The following GRID2 variants were observed in gnomAD, a reference collection of about 807,000 sequenced individuals.
GRID2 encodes glutamate receptor ionotropic, delta-2.
In GRID2, 33 loss-of-function variants were observed where a neutral mutation model predicts 114.8. The observed-to-expected ratio is 0.29, with a 90% CI of 0.22 to 0.38. The LOEUF (loss-of-function observed/expected upper bound fraction) is 0.38, where lower values mean the gene tolerates loss of function less well. GRID2 is among the 10% of genes least tolerant of loss of function. The pLI, the probability that GRID2 is intolerant of heterozygous loss-of-function variation, is 1.00. For synonymous variants in GRID2, 505 were observed against 449.9 expected (o/e 1.12, Z -1.55); for missense variants, 1,184 against 1,257.7 (o/e 0.94, Z 0.89).
intron 14 of GRID2, among the ~76,000 whole-genome samples, chr4:93,686,372 C>G (rs1421291547): frequency 6.6e-6 from 1 of 151,932 alleles, no homozygotes; most frequent in Non-Finnish European, 1.5e-5. Context: ...GCTTCTTTAC[C>G]AGTCTTACTG....
intron 8 of GRID2, among the ~76,000 whole-genome samples, chr4:93,319,444 G>A (rs1473630332): frequency 6.6e-6 from 1 of 151,938 alleles, no homozygotes; most frequent in Non-Finnish European, 1.5e-5. Context: ...GTTTTGGTAG[G>A]GAGAATTCTA....
At chr4:93,225,135 A>G (rs1745343878) in intron 7 of GRID2, among the ~76,000 whole-genome samples, 1 of 152,230 alleles carries the variant, frequency 6.6e-6, no homozygotes, top group South Asian at 2.1e-4. Context: ...AGACTTAATT[A>G]GCACTTTTTC....
At chr4:93,117,691 A>C (rs545039515) in intron 4 of GRID2, among the ~76,000 whole-genome samples, 2 of 152,062 alleles carry the variant, frequency 1.3e-5, no homozygotes, top group Non-Finnish European at 2.9e-5. Context: ...CCCTGTTTAA[A>C]ATATCTCCCA....
At chr4:92,545,763 C>T (rs140263175) in intron 1 of GRID2, among the ~76,000 whole-genome samples, 1 of 151,912 alleles carries the variant, frequency 6.6e-6, no homozygotes, top group East Asian at 1.9e-4. Flanking sequence ...TTGGCTGCGA[C>T]ACTCATTTCA....
chr4:92,313,269 G>A (rs955452277), intron 1 of GRID2, among the ~76,000 whole-genome samples: 5 of 152,082 alleles, frequency 3.3e-5, no homozygotes, highest in African/African-American at 1.2e-4. Flanking sequence ...ATATGTGGGA[G>A]CTAAGCTATG....
At chr4:92,812,104 C>T (rs1179782442) in intron 2 of GRID2, among the ~76,000 whole-genome samples, 5 of 152,018 alleles carry the variant, frequency 3.3e-5, no homozygotes, top group Non-Finnish European at 5.9e-5. Flanking sequence ...TTTATGTGAA[C>T]GTGAATGAAC....
chr4:92,941,834 G>C (rs1429290338), intron 2 of GRID2, among the ~76,000 whole-genome samples: 1 of 152,140 alleles, frequency 6.6e-6, no homozygotes, highest in Non-Finnish European at 1.5e-5. Flanking sequence ...GTACCCAGTA[G>C]TCATTCAGGA....
intron 2 of GRID2, among the ~76,000 whole-genome samples, chr4:92,922,321 C>T (rs141732492): frequency 2.2e-4 from 33 of 152,254 alleles, no homozygotes; most frequent in East Asian, 9.7e-4. Flanking sequence ...CACCCTGCTT[C>T]GGCTCATGTT....
intron 2 of GRID2, among the ~76,000 whole-genome samples, chr4:92,717,935 G>T (rs957378390): frequency 6.6e-6 from 1 of 151,950 alleles, no homozygotes; most frequent in Non-Finnish European, 1.5e-5. Flanking sequence ...TACAATGAAT[G>T]ATTGTTTTAA....
intron 2 of GRID2, among the ~76,000 whole-genome samples, chr4:92,945,600 C>T: frequency 6.6e-6 from 1 of 152,126 alleles, no homozygotes; most frequent in East Asian, 1.9e-4. Flanking sequence ...AACGAAGTAC[C>T]AGTGATGGTC....
At chr4:92,617,954 A>G (rs1284454925) in intron 2 of GRID2, among the ~76,000 whole-genome samples, 3 of 151,546 alleles carry the variant, frequency 2.0e-5, no homozygotes, top group African/African-American at 4.8e-5. Flanking sequence ...ATTTTCTTCC[A>G]TTCTATAGGT....
chr4:92,484,349 G>T (rs1177863259), intron 1 of GRID2, among the ~76,000 whole-genome samples: 2 of 152,016 alleles, frequency 1.3e-5, no homozygotes, highest in Non-Finnish European at 2.9e-5. Context: ...TAAAAAGAAG[G>T]TAAAGATAAA....
chr4:92,538,959 G>A (rs947335991), intron 1 of GRID2, among the ~76,000 whole-genome samples: 12 of 151,332 alleles, frequency 7.9e-5, no homozygotes, highest in African/African-American at 2.2e-4. Context: ...GGAGAATGGC[G>A]TGAGCCTGGG....
At chr4:93,021,668 C>T (rs868776733) in intron 2 of GRID2, among the ~76,000 whole-genome samples, 19 of 138,550 alleles carry the variant, frequency 1.4e-4, no homozygotes, top group African/African-American at 5.2e-4. Flanking sequence ...AATATGTATA[C>T]TATAAATATA....
In GRID2 at chr4:93,788,555, G is replaced by A. The variant is rs567988101; in HGVS notation, c.222-18160G>A. Among the ~76,000 whole-genome samples the A allele has an allele frequency of 1.0e-3, 155 of 152,034 alleles. 1 individual carries two copies. In the Middle Eastern group the frequency reaches 0.014, roughly 13 times the overall value. ...TGTATACCATATGCATATGTGTAAT[G>A]CAATTTTTGTAAATTACACCTTAAC... On this transcript the variant is annotated intron_variant, in intron 1 of 1. Coordinates refer to the GRID2 transcript ENST00000637838.
intron 2 of GRID2, among the ~76,000 whole-genome samples, chr4:92,983,093 G>A (rs552562465): frequency 6.6e-6 from 1 of 152,078 alleles, no homozygotes. Context: ...GTGGTTTTAG[G>A]AATATTCCTA....
At chr4:92,324,188 T>C (rs550221082) in intron 1 of GRID2, among the ~76,000 whole-genome samples, 1 of 152,094 alleles carries the variant, frequency 6.6e-6, no homozygotes, top group African/African-American at 2.4e-5. Context: ...TCTAGGTTTC[T>C]CACAGAATTT....
chr4:93,524,819 G>GTGTGTA (rs1553946394), intron 13 of GRID2, among the ~76,000 whole-genome samples: 16 of 52,198 alleles, frequency 3.1e-4, no homozygotes, highest in African/African-American at 2.2e-3. Flanking sequence ...ATATATGTAT[G>GTGTGTA]TATGTATATA....
At chr4:92,489,661 C>A (rs562471118) in intron 1 of GRID2, among the ~76,000 whole-genome samples, 8 of 152,076 alleles carry the variant, frequency 5.3e-5, no homozygotes, top group African/African-American at 1.9e-4. Flanking sequence ...GCCTGGCTAA[C>A]ATGGTGAAAC....
Sources: allele counts gnomAD v4.1 joint callset (sites outside exome capture counted in the v4.1 genomes callset), GRCh38; gene constraint gnomAD v4.1.1; transcripts MANE v1.5; gene names NCBI Gene and HGNC (gene_info 2026-07-23, HGNC 2026-07-21).